SH3BP4: variants seen among roughly 807,000 people sequenced by gnomAD.
SH3BP4 encodes the protein SH3 domain binding protein 4, also known as SH3 domain-binding protein 4.
A neutral mutation model predicts 65.5 loss-of-function variants in SH3BP4; 33 were observed. The ratio of observed to expected loss-of-function variants is 0.50; its 90% CI spans 0.38 to 0.67. The LOEUF (loss-of-function observed/expected upper bound fraction) is 0.67, where lower values mean the gene tolerates loss of function less well. Among genes scored for constraint, SH3BP4 ranks in the 30% least tolerant of loss-of-function variants. The pLI is 0.00. For synonymous variants in SH3BP4, 552 were observed against 545.5 expected, an observed-to-expected ratio of 1.01 and a Z score of -0.17; for missense variants, 1,134 against 1,261.4, an observed-to-expected ratio of 0.90 and a Z score of 1.53.
intron 1 of SH3BP4, among the ~76,000 whole-genome samples, chr2:234,990,440 C>T (rs1328699758): frequency 6.6e-6 from 1 of 152,244 alleles, no homozygotes. Flanking sequence ...CTCAACCCTT[C>T]AAGAATGTGT....
In SH3BP4 at chr2:234,978,063, C is replaced by T. The variant is rs543555724; in HGVS notation, c.-206-17240C>T. 6.6e-6 allele frequency among the ~76,000 whole-genome samples: 1 copy of T among 152,272 alleles called. No homozygotes were observed. The highest frequency in any genetic ancestry group is 2.1e-4 in the South Asian group (1 of 4,826). ...CTCTGCCTCCTGGGTTTAAGCAATT[C>T]TCCTGCCTCAGCCTCCCGAGTAGCT... On this transcript the variant is annotated intron_variant, in intron 1 of 5. Coordinates refer to ENST00000392011, the MANE Select transcript of SH3BP4 (RefSeq NM_014521.3). The surrounding 1 kb of genome is among the most constrained non-coding windows in gnomAD (Gnocchi z 4.1).
intron 1 of SH3BP4, among the ~76,000 whole-genome samples, chr2:234,981,386 T>TA (rs536266050): frequency 2.0e-5 from 3 of 152,114 alleles, no homozygotes; most frequent in Non-Finnish European, 4.4e-5. Context: ...TCCAACCTCT[T>TA]AGTCACTTTG....
At chr2:235,036,740 A>AAAAAAAAAAAAAAAAAAAATAATAAT (rs146049108) in intron 3 of SH3BP4, among the ~76,000 whole-genome samples, 5 of 141,738 alleles carry the variant, frequency 3.5e-5, no homozygotes, top group African/African-American at 1.4e-4. Flanking sequence ...TCTATATAAA[A>AAAAAAAAAAAAAAAAAAAATAATAAT]AATAATAATA....
Position 234,991,071 on chromosome 2 carries a change from G to A in SH3BP4, c.-206-4232G>A, listed in dbSNP as rs1286320952. 6.6e-6 allele frequency among the ~76,000 whole-genome samples: 1 copy of A among 152,132 alleles called. No homozygotes were observed. The highest frequency in any genetic ancestry group is 1.5e-5 in the Non-Finnish European group (1 of 68,032). ...CCTTGAACACTCTGTCTCCAAATAA[G>A]GTCACTTTCTGAGGTACTGGTGATG... On this transcript the variant is annotated intron_variant, in intron 1 of 5. Coordinates refer to ENST00000392011, the MANE Select transcript of SH3BP4 (RefSeq NM_014521.3). The surrounding 1 kb of genome is among the most constrained non-coding windows in gnomAD (Gnocchi z 4.2).
chr2:235,042,949 C>T lies in SH3BP4; in HGVS notation c.2180C>T (p.Pro727Leu). 9 of 1,613,070 alleles carry T rather than the reference C, an allele frequency of 5.6e-6. No individual in the cohort carries two copies. The highest frequency in any genetic ancestry group is 7.6e-6 in the Non-Finnish European group (9 of 1,179,784). The change falls in exon 4 of 6, where the codon CCC becomes CTC. Residue 727 changes from proline (P) to leucine (L), a missense_variant. Transcript: ENST00000392011. The surrounding 1 kb of genome is among the most constrained non-coding windows in gnomAD (Gnocchi z 7.3). ...GTGCTGGTGGTCGGCAGGGCCCGGCCCAGCCTGTGCTCGGGCCCCGAGCTG... is the reference window on the plus strand; with the variant it reads ...GTGCTGGTGGTCGGCAGGGCCCGGCTCAGCCTGTGCTCGGGCCCCGAGCTG... ...KNVLVVGRARPSLCSGPELST... is the reference protein window; with the variant it reads ...KNVLVVGRARLSLCSGPELST...
At chr2:235,001,016 G>A (rs186051122) in intron 2 of SH3BP4, among the ~76,000 whole-genome samples, 3 of 152,306 alleles carry the variant, frequency 2.0e-5, no homozygotes, top group Admixed American at 2.0e-4. Context: ...CATAAATCCC[G>A]TTTACACGGT....
intron 4 of SH3BP4, among the ~76,000 whole-genome samples, chr2:235,044,740 T>C (rs1288648260): frequency 1.3e-5 from 2 of 152,234 alleles, no homozygotes; most frequent in Non-Finnish European, 1.5e-5. Flanking sequence ...AAGGGTCACA[T>C]GTGGCACATA....
At chr2:234,980,814 C>A (rs1693354338) in intron 1 of SH3BP4, among the ~76,000 whole-genome samples, 1 of 152,192 alleles carries the variant, frequency 6.6e-6, no homozygotes, top group African/African-American at 2.4e-5. Context: ...TGTTCACTGA[C>A]CATTCTGATT....
Position 235,039,173 on chromosome 2 carries a change from G to A in SH3BP4, c.119-1715G>A, listed in dbSNP as rs530828478. On this transcript the variant is annotated intron_variant, in intron 3 of 5. Transcript: ENST00000392011. The stretch of plus-strand genomic sequence containing the variant: ...GGTTCTCTGAGACACCCAGATAGAC[G>A]GGCCTGCTGTAATTTCACAGGAGGA... 5.1e-4 allele frequency among the ~76,000 whole-genome samples: 78 copies of A among 152,252 alleles called. 1 individual carries two copies. Among genetic ancestry groups the A allele is most frequent in the Admixed American group, 5.9e-4 (9 of 15,298 alleles).
At chr2:235,004,830 T>C (rs555268548) in intron 2 of SH3BP4, among the ~76,000 whole-genome samples, 1 of 152,264 alleles carries the variant, frequency 6.6e-6, no homozygotes. Context: ...CTGGTGCTAC[T>C]AGGATTCATG....
At chr2:234,958,425 G>T (rs1229275600) in intron 1 of SH3BP4, among the ~76,000 whole-genome samples, 3 of 151,956 alleles carry the variant, frequency 2.0e-5, no homozygotes, top group Admixed American at 6.5e-5. Context: ...TGCTCGCCCT[G>T]GGGGGGTGTC....
intron 1 of SH3BP4, among the ~76,000 whole-genome samples, chr2:234,970,128 TACAC>T (rs532643196): frequency 2.0e-5 from 3 of 151,432 alleles, no homozygotes; most frequent in African/African-American, 4.9e-5. Flanking sequence ...CTCACACTCT[TACAC>T]ACACACTCTC....
intron 2 of SH3BP4, among the ~76,000 whole-genome samples, chr2:235,017,011 T>A (rs1694703511): frequency 6.7e-6 from 1 of 148,904 alleles, no homozygotes; most frequent in South Asian, 2.1e-4. Context: ...ATCACCCAGA[T>A]CTCACTTTCG....
At chr2:235,037,107 G>T (rs1051099153) in intron 3 of SH3BP4, among the ~76,000 whole-genome samples, 1 of 152,170 alleles carries the variant, frequency 6.6e-6, no homozygotes, top group African/African-American at 2.4e-5. Context: ...GAAGAACGTA[G>T]GCAGACGGAT....
In SH3BP4 at chr2:234,988,689, G is replaced by A. The variant is rs937607754; in HGVS notation, c.-206-6614G>A. Among the ~76,000 whole-genome samples, 14 of 152,156 alleles carry A rather than the reference G, an allele frequency of 9.2e-5. No individual in the cohort carries two copies. The East Asian group carries it at 1.4e-3, about 15-fold the overall frequency. On this transcript the variant is annotated intron_variant, in intron 1 of 5. Transcript: ENST00000392011. ...AGAGAAGGCAGCCACTCGGTGCTGC[G>A]CGGGTGCCAGGAGGAGCTCACGGTG...
chr2:234,980,384 C>T (rs1310907172), intron 1 of SH3BP4, among the ~76,000 whole-genome samples: 1 of 152,178 alleles, frequency 6.6e-6, no homozygotes, highest in Non-Finnish European at 1.5e-5. Flanking sequence ...TGTGTTTTCT[C>T]CCTGCCAGAA....
chr2:235,019,433 A>ATT (rs564639628), intron 2 of SH3BP4, among the ~76,000 whole-genome samples: 47 of 129,128 alleles, frequency 3.6e-4, no homozygotes, highest in East Asian at 2.6e-3. Context: ...GGAAGGGCGA[A>ATT]TTTTTTTTTT....
chr2:235,015,408 C>T (rs1379465193), intron 2 of SH3BP4, among the ~76,000 whole-genome samples: 2 of 152,244 alleles, frequency 1.3e-5, no homozygotes, highest in African/African-American at 4.8e-5. Context: ...GCCACATTAT[C>T]TCACATGGGA....
At chr2:235,053,561 T>G (rs1163673628) in intron 5 of SH3BP4, 31 bp from the exon 6 acceptor site, 4 of 1,540,568 alleles carry the variant, frequency 2.6e-6, no homozygotes, top group Non-Finnish European at 3.6e-6. Context: ...CCTCTCTCCC[T>G]CCTTTTGTTT....
Sources: allele counts gnomAD v4.1 joint callset (sites outside exome capture counted in the v4.1 genomes callset), GRCh38; gene constraint gnomAD v4.1.1; non-coding constraint Gnocchi (gnomAD v3.1); transcripts MANE v1.5; gene names NCBI Gene and HGNC (gene_info 2026-07-23, HGNC 2026-07-21).